GALM: variants seen among roughly 807,000 people sequenced by gnomAD.
GALM encodes galactose mutarotase, also known as aldose 1-epimerase.
GALM carries 43 observed loss-of-function variants against 37.4 expected under a neutral mutation model. That is an observed-to-expected ratio of 1.15 (90% CI 0.90 to 1.48). GALM has a LOEUF of 1.48. Among genes scored for constraint, GALM ranks in the 40% most tolerant of loss-of-function variants. The pLI is 0.00. For synonymous variants in GALM, 199 were observed against 170.6 expected (o/e 1.17, Z -1.30); for missense variants, 456 against 419.1 (o/e 1.09, Z -0.77).
intron 1 of GALM, chr2:38,669,563 A>G (rs1029274746): frequency 3.9e-5 from 6 of 152,310 alleles, no homozygotes; most frequent in Non-Finnish European, 5.9e-5. Flanking sequence ...AATGCCTCCT[A>G]TGAGTTTTTC....
rs200050911 is a variant in GALM at position 38,686,220 on chromosome 2, A to ATTTCTTTCTTTC, written c.553-3546_553-3535dup. Reference sequence around the variant, plus strand: ...AAAAAAAAAACCACAGAAAGTGGAAATTTCTTTCTTTCTTTCTTTCTTTCT... The same window carrying ATTTCTTTCTTTC: ...AAAAAAAAAACCACAGAAAGTGGAAATTTCTTTCTTTCTTTCTTTCTTTCTTTCTTTCTTTCT... On this transcript the variant is annotated intron_variant, in intron 3 of 6. Coordinates refer to ENST00000272252, the MANE Select transcript of GALM (RefSeq NM_138801.3). Among the ~76,000 whole-genome samples, 102 of 93,620 alleles carry ATTTCTTTCTTTC rather than the reference A, an allele frequency of 1.1e-3. 2 individuals carry two copies. The highest frequency in any genetic ancestry group is 3.9e-3 in the African/African-American group (88 of 22,362). 61.4% of individuals were successfully genotyped at this position (93,620 alleles called of 152,430 possible). A position where few individuals can be genotyped will look rare whatever the true frequency, so the allele number is the denominator to read the frequency against.
chr2:38,673,444 C>A (rs1021404294), intron 1 of GALM, among the ~76,000 whole-genome samples: 3 of 152,122 alleles, frequency 2.0e-5, no homozygotes, highest in African/African-American at 7.2e-5. Flanking sequence ...AAGAAAAGTA[C>A]CATAATATGC....
chr2:38,707,764 T>G (rs1306507351), intron 4 of GALM, among the ~76,000 whole-genome samples: 1 of 152,110 alleles, frequency 6.6e-6, no homozygotes, highest in Non-Finnish European at 1.5e-5. Flanking sequence ...AAGGATCACT[T>G]GAGGCCAGGA....
chr2:38,688,105 G>A (rs778765816), intron 3 of GALM, among the ~76,000 whole-genome samples: 7 of 151,846 alleles, frequency 4.6e-5, no homozygotes, highest in African/African-American at 7.3e-5. Context: ...CCAGCTGCTC[G>A]GGAGGCTGAA....
At chr2:38,667,486 C>T (rs1664977142) in intron 1 of GALM, among the ~76,000 whole-genome samples, 1 of 152,148 alleles carries the variant, frequency 6.6e-6, no homozygotes, top group Non-Finnish European at 1.5e-5. Flanking sequence ...AGGAGAATAG[C>T]TTGAACCCAG....
At chr2:38,670,412 G>T (rs1024040859) in intron 1 of GALM, among the ~76,000 whole-genome samples, 8 of 152,242 alleles carry the variant, frequency 5.3e-5, no homozygotes, top group East Asian at 1.9e-4. Context: ...CAGAAGCAGG[G>T]ATGAGGAAAA....
intron 3 of GALM, among the ~76,000 whole-genome samples, chr2:38,684,039 T>C (rs1197815858): frequency 1.3e-5 from 2 of 152,180 alleles, no homozygotes; most frequent in Non-Finnish European, 2.9e-5. Context: ...GGCCTCTGCA[T>C]CTTCAGAATA....
chr2:38,721,037 G>C lies in GALM; in HGVS notation c.635-8519G>C, dbSNP rs1419679358. Among the ~76,000 whole-genome samples, 4 of 152,332 alleles carry C rather than the reference G, an allele frequency of 2.6e-5. No homozygotes were observed. The East Asian group carries it at 5.8e-4, about 22-fold the overall frequency. On this transcript the variant is annotated intron_variant, in intron 4 of 6. Coordinates refer to ENST00000272252, the MANE Select transcript of GALM (RefSeq NM_138801.3). The stretch of plus-strand genomic sequence containing the variant: ...AAGTATCAACATCACATTGTAAGGA[G>C]AGCATGTGGATGGGATCTAGACTAC...
At chr2:38,676,596 C>G (rs1011563200) in intron 2 of GALM, among the ~76,000 whole-genome samples, 1 of 152,052 alleles carries the variant, frequency 6.6e-6, no homozygotes, top group African/African-American at 2.4e-5. Context: ...AACCCCGTCT[C>G]TACGAAAAAT....
intron 1 of GALM, among the ~76,000 whole-genome samples, chr2:38,670,161 G>A (rs530846204): frequency 9.3e-4 from 141 of 152,156 alleles, no homozygotes; most frequent in Non-Finnish European, 1.5e-3. Context: ...ACCACGCCCA[G>A]CCTAAAAATA....
At chr2:38,724,552 A>C (rs1416421898) in intron 4 of GALM, among the ~76,000 whole-genome samples, 1 of 152,172 alleles carries the variant, frequency 6.6e-6, no homozygotes, top group East Asian at 1.9e-4. Flanking sequence ...TTTTCCATAT[A>C]CTTGATCATT....
At chr2:38,726,295 C>G (rs993795315) in intron 4 of GALM, among the ~76,000 whole-genome samples, 7 of 149,196 alleles carry the variant, frequency 4.7e-5, no homozygotes, top group Admixed American at 2.0e-4. Context: ...GGCGGGATCT[C>G]GGCTCACTGC....
intron 4 of GALM, among the ~76,000 whole-genome samples, chr2:38,700,661 G>A (rs990744557): frequency 2.0e-5 from 3 of 152,132 alleles, no homozygotes; most frequent in African/African-American, 4.8e-5. Context: ...GTTGGGCCAT[G>A]TTTTTTAATC....
chr2:38,703,092 ATTTTTTTTTTT>A (rs1172635009), intron 4 of GALM, among the ~76,000 whole-genome samples: 3 of 7,966 alleles, frequency 3.8e-4, no homozygotes, highest in South Asian at 9.3e-3. Flanking sequence ...ATATATATAT[ATTTTTTTTTTT>A]TTTTTTTTTT....
intron 4 of GALM, among the ~76,000 whole-genome samples, chr2:38,726,556 C>G (rs1161555815): frequency 3.9e-5 from 6 of 152,008 alleles, no homozygotes; most frequent in African/African-American, 1.4e-4. Flanking sequence ...CAACACAATG[C>G]TGTATACAAA....
rs201438260 is a variant in GALM, at chr2:38,686,231, T to TCCTTCCTTC, written c.553-3581_553-3580insCTTCCTTCC. Among the ~76,000 whole-genome samples the TCCTTCCTTC allele has an allele frequency of 7.0e-4, 23 of 32,896 alleles. 3 individuals carry two copies. In the East Asian group the frequency reaches 0.013, roughly 19 times the overall value. The allele number at this position is 32,896 out of a possible 152,430, so 21.6% of individuals were successfully genotyped here. A position where few individuals can be genotyped will look rare whatever the true frequency, so the allele number is the denominator to read the frequency against. On this transcript the variant is annotated intron_variant, in intron 3 of 6. Transcript: ENST00000272252. ...CACAGAAAGTGGAAATTTCTTTCTT[T>TCCTTCCTTC]CTTTCTTTCTTTCTTTCTTTCTTTC... is the stretch of plus-strand genomic sequence containing the variant.
At chr2:38,694,923 AAGG>A (rs1381166024) in intron 4 of GALM, among the ~76,000 whole-genome samples, 10 of 151,252 alleles carry the variant, frequency 6.6e-5, no homozygotes, top group Middle Eastern at 3.4e-3. Flanking sequence ...CAAAAAAAGA[AAGG>A]GAAAGTCAAG....
intron 4 of GALM, among the ~76,000 whole-genome samples, chr2:38,706,595 C>G (rs1162211245): frequency 6.6e-6 from 1 of 150,442 alleles, no homozygotes; most frequent in African/African-American, 2.4e-5. Context: ...CTCAAGGATT[C>G]CTTGAGCCAG....
At chr2:38,709,878 A>G (rs1278024333) in intron 4 of GALM, among the ~76,000 whole-genome samples, 1 of 152,198 alleles carries the variant, frequency 6.6e-6, no homozygotes, top group Non-Finnish European at 1.5e-5. Context: ...ACCTGTGCCC[A>G]TGAGCCCCTT....
Sources: allele counts gnomAD v4.1 joint callset (sites outside exome capture counted in the v4.1 genomes callset), GRCh38; gene constraint gnomAD v4.1.1; transcripts MANE v1.5; gene names NCBI Gene and HGNC (gene_info 2026-07-23, HGNC 2026-07-21).